Variants in ZSCAN25 observed in about 807,000 individuals in gnomAD.
ZSCAN25 encodes the protein zinc finger and SCAN domain-containing protein 25.
Under a neutral mutation model 38.7 loss-of-function variants are expected in ZSCAN25, and 27 were observed. That is an observed-to-expected ratio of 0.70 (90% CI 0.51 to 0.96). The LOEUF is 0.96. Ranked by LOEUF, ZSCAN25 falls within the 40% of genes least tolerant of loss-of-function variation. The pLI is 0.00. For synonymous variants in ZSCAN25, 273 were observed against 277.7 expected (o/e 0.98, Z 0.17); for missense variants, 637 against 705.9 (o/e 0.90, Z 1.11).
chr7:99,678,681 A>C, the ZSCAN25 span, among the ~76,000 whole-genome samples: 21 of 152,386 alleles, frequency 1.4e-4, no homozygotes, highest in East Asian at 4.0e-3. Context: ...CTGGTTTAAA[A>C]ATGAATGAAT....
At chr7:99,643,286 A>G in the ZSCAN25 span, among the ~76,000 whole-genome samples, 1 of 152,088 alleles carries the variant, frequency 6.6e-6, no homozygotes, top group East Asian at 1.9e-4. Context: ...CCATCTAGAA[A>G]GGCGTTTGCC....
the ZSCAN25 span, chr7:99,647,567 G>T: frequency 2.0e-6 from 2 of 985,358 alleles, no homozygotes; most frequent in Middle Eastern, 5.2e-4. Context: ...GGGAGATGTG[G>T]TAAAAATAAT....
chr7:99,713,573 AC>A, the ZSCAN25 span: 1 of 1,612,464 alleles, frequency 6.2e-7, no homozygotes, highest in Non-Finnish European at 8.5e-7. Context: ...ACAGAAAGTG[AC>A]TCGTGAAGTC....
At chr7:99,728,129 A>T in the ZSCAN25 span, among the ~76,000 whole-genome samples, 3 of 152,138 alleles carry the variant, frequency 2.0e-5, no homozygotes, top group African/African-American at 7.2e-5. Context: ...TCCATCTATC[A>T]ATCCCTCCCC....
At chr7:99,636,236 G>C (rs1269323323), downstream of ZSCAN25, among the ~76,000 whole-genome samples, 1 of 151,954 alleles carries the variant, frequency 6.6e-6, no homozygotes, top group African/African-American at 2.4e-5. Flanking sequence ...GTGGAACTTT[G>C]GGAATTTTAG....
the ZSCAN25 span, chr7:99,707,960 T>A: frequency 4.9e-5 from 79 of 1,613,766 alleles, no homozygotes; most frequent in Non-Finnish European, 6.4e-5. Context: ...GTTGTCCTTG[T>A]TCTTTTTACT....
chr7:99,643,510 T>C, the ZSCAN25 span, among the ~76,000 whole-genome samples: 1 of 152,006 alleles, frequency 6.6e-6, no homozygotes, highest in Non-Finnish European at 1.5e-5. Flanking sequence ...ATATTGAACA[T>C]TTCTTCATAG....
the ZSCAN25 span, among the ~76,000 whole-genome samples, chr7:99,721,336 C>T: frequency 6.6e-6 from 1 of 152,106 alleles, no homozygotes; most frequent in African/African-American, 2.4e-5. Flanking sequence ...GCATGGTTTC[C>T]CAATCTGTTT....
At chr7:99,720,215 G>C in the ZSCAN25 span, 1 of 1,471,612 alleles carries the variant, frequency 6.8e-7, no homozygotes. Flanking sequence ...GAACCTTCCT[G>C]CACAGTTTTT....
the ZSCAN25 span, among the ~76,000 whole-genome samples, chr7:99,660,967 T>C: frequency 1.3e-5 from 2 of 152,216 alleles, no homozygotes; most frequent in Non-Finnish European, 2.9e-5. Context: ...CTCAGTGTTA[T>C]GGGTGTGTGC....
At chr7:99,725,288 C>T in the ZSCAN25 span, among the ~76,000 whole-genome samples, 7 of 152,274 alleles carry the variant, frequency 4.6e-5, no homozygotes, top group East Asian at 7.7e-4. Flanking sequence ...CCAATCCTCT[C>T]CTGACATTAG....
At chr7:99,717,154 C>T in the ZSCAN25 span, 1 of 1,613,688 alleles carries the variant, frequency 6.2e-7, no homozygotes, top group Admixed American at 1.7e-5. Context: ...AGCTCAGAAC[C>T]CCATGGCTGT....
chr7:99,665,169 T>C, the ZSCAN25 span: 22 of 1,608,466 alleles, frequency 1.4e-5, no homozygotes, highest in East Asian at 8.9e-5. Context: ...CACATACTTA[T>C]TGAGAGAAAT....
the ZSCAN25 span, among the ~76,000 whole-genome samples, chr7:99,643,429 C>CTTTTTTTTTCATGTTCA: frequency 1.3e-5 from 2 of 151,088 alleles, no homozygotes; most frequent in African/African-American, 4.9e-5. Context: ...GCTGCCCCCC[C>CTTTTTTTTTCATGTTCA]TTTTTTTTTC....
At chr7:99,660,743 A>G in the ZSCAN25 span, 1 of 1,498,982 alleles carries the variant, frequency 6.7e-7, no homozygotes, top group East Asian at 2.3e-5. Context: ...GAAGCTCTCT[A>G]ATCCCAAGAA....
chr7:99,674,292 ATGGAGCATCTT>A, the ZSCAN25 span: 2 of 378,162 alleles, frequency 5.3e-6, no homozygotes, highest in African/African-American at 4.2e-5. Flanking sequence ...CATATTTTCT[ATGGAGCATCTT>A]TGTCTTGTTT....
the ZSCAN25 span, among the ~76,000 whole-genome samples, chr7:99,726,783 C>T: frequency 6.6e-6 from 1 of 152,344 alleles, no homozygotes; most frequent in African/African-American, 2.4e-5. Context: ...TACCCTCCTG[C>T]TCCTTCAACA....
At position 99,629,478 on chromosome 7, in the gene ZSCAN25, A is replaced by C. The variant is rs1166305551; in HGVS notation, c.1093A>C (p.Arg365=). 1 of 1,614,228 alleles carries C rather than the reference A, an allele frequency of 6.2e-7. No homozygotes were observed. The highest frequency in any genetic ancestry group is 1.6e-4 in the Middle Eastern group (1 of 6,062). ...KGFSRSSNLV[R]HQRTHEEKSY... The stretch of plus-strand genomic sequence containing the variant: ...ATTCAGTCGGAGCTCCAATCTCGTC[A>C]GGCACCAGCGAACCCACGAAGAGAA... The change falls in exon 8 of 8, where the codon AGG becomes CGG. Residue 365 remains arginine (R), a synonymous_variant. Transcript: ENST00000394152. The surrounding 1 kb of genome is among the most constrained non-coding windows in gnomAD (Gnocchi z 5.6).
At chr7:99,676,036 A>G in the ZSCAN25 span, 1 of 1,243,356 alleles carries the variant, frequency 8.0e-7, no homozygotes, top group African/African-American at 1.5e-5. Context: ...CTCCCTCCCA[A>G]GGAGGGGCAT....
Sources: gnomAD v4.1 joint callset for allele counts (sites outside exome capture counted in the v4.1 genomes callset) on GRCh38, gnomAD v4.1.1 for gene constraint, Gnocchi (gnomAD v3.1) non-coding constraint, MANE v1.5 for transcripts, NCBI Gene and HGNC (gene_info 2026-07-23, HGNC 2026-07-21) for gene names.